Variants in UBA6 observed in about 807,000 individuals in gnomAD.
The protein encoded by UBA6 is ubiquitin like modifier activating enzyme 6.
In UBA6, 87 loss-of-function variants were observed where a neutral mutation model predicts 148.3. The observed-to-expected ratio is 0.59, with a 90% CI of 0.49 to 0.70. The LOEUF (loss-of-function observed/expected upper bound fraction) is 0.70, where lower values mean the gene tolerates loss of function less well. Ranked by LOEUF, UBA6 falls within the 30% of genes least tolerant of loss-of-function variation. The probability of loss-of-function intolerance (pLI) is 0.00; values close to 1 mark genes in which losing one functional copy is unlikely to be tolerated. For synonymous variants in UBA6, 376 were observed against 401.0 expected (o/e 0.94, Z 0.75); for missense variants, 1,186 against 1,241.2 (o/e 0.96, Z 0.67).
chr4:67,630,621 G>A, intron 25 of UBA6, 86 bp from the exon 26 acceptor site: 2 of 799,766 alleles, frequency 2.5e-6, no homozygotes, highest in Non-Finnish European at 3.7e-6. Flanking sequence ...GCCTTTAAAT[G>A]TAGTTTGAAG....
At chr4:67,694,694 G>A (rs888641686) in intron 2 of UBA6, among the ~76,000 whole-genome samples, 1 of 152,116 alleles carries the variant, frequency 6.6e-6, no homozygotes, top group Non-Finnish European at 1.5e-5. Context: ...ACTGTGCCTG[G>A]CCACATCTTT....
intron 1 of UBA6, 145 bp downstream of exon 1, chr4:67,700,904 G>C: frequency 1.1e-6 from 1 of 922,804 alleles, no homozygotes; most frequent in Non-Finnish European, 1.6e-6. Context: ...CACCCACTCC[G>C]CGCGCGCCCC....
chr4:67,691,584 A>T (rs1292045965), intron 2 of UBA6, among the ~76,000 whole-genome samples: 2 of 152,288 alleles, frequency 1.3e-5, no homozygotes, highest in African/African-American at 4.8e-5. Context: ...TTTTTTCATC[A>T]TGTTTAATGT....
Position 67,634,424 on chromosome 4 carries a change from T to G in UBA6, c.1932+5A>C, listed in dbSNP as rs1202086291. On this transcript the variant is annotated splice_donor_5th_base_variant and intron_variant, in intron 21 of 32. Coordinates refer to ENST00000322244, the MANE Select transcript of UBA6 (RefSeq NM_018227.6). The stretch of plus-strand genomic sequence containing the variant: ...AAGAAAATAAATTTAAAAAGGAACT[T>G]TTACCTTATCTCTTGCCCACTGTAT... 3.1e-5 allele frequency: 48 copies of G among 1,573,374 alleles called. No homozygotes were observed. The highest frequency in any genetic ancestry group is 4.1e-5 in the Non-Finnish European group (48 of 1,168,478).
rs758268339 is a variant in UBA6, at chr4:67,649,131, T to A, written c.1185A>T (p.Gly395=). The A allele has an allele frequency of 1.8e-5, 29 of 1,614,066 alleles. 2 individuals carry two copies. In the South Asian group the frequency reaches 3.2e-4, roughly 18 times the overall value. ...TCAATACTTCTTGGCTGGCAACACC[T>A]CCTACTGCTGCAGCAAGTGGAGATA... The part of the protein sequence containing the change: ...GFLSPLAAAV[G]GVASQEVLKA... The change falls in exon 14 of 33, where the codon GGA becomes GGT. Residue 395 remains glycine (G), a synonymous_variant. Transcript: ENST00000322244.
chr4:67,697,083 G>A (rs1321421890), intron 1 of UBA6, among the ~76,000 whole-genome samples: 1 of 152,050 alleles, frequency 6.6e-6, no homozygotes, highest in African/African-American at 2.4e-5. Flanking sequence ...TTGGCTTACT[G>A]CAACGTCCAC....
At chr4:67,688,431 T>C (rs897915248) in intron 2 of UBA6, among the ~76,000 whole-genome samples, 1 of 151,630 alleles carries the variant, frequency 6.6e-6, no homozygotes, top group East Asian at 1.9e-4. Flanking sequence ...AGACCAAAAA[T>C]AGAGAGAACT....
chr4:67,665,139 T>A, intron 10 of UBA6, 50 bp downstream of exon 10: 1 of 1,190,874 alleles, frequency 8.4e-7, no homozygotes. Flanking sequence ...CTCTTCTGCC[T>A]TTCTTTTTCT....
At chr4:67,638,754 G>C (rs1729230529) in intron 19 of UBA6, among the ~76,000 whole-genome samples, 189 bp downstream of exon 19, 1 of 152,174 alleles carries the variant, frequency 6.6e-6, no homozygotes, top group East Asian at 1.9e-4. Flanking sequence ...AAACATTTAG[G>C]TTATGTTACA....
In UBA6 at chr4:67,624,143, T is replaced by C. The variant is rs777174405; in HGVS notation, c.2823A>G (p.Val941=). 8 of 1,591,172 alleles carry C rather than the reference T, an allele frequency of 5.0e-6. No homozygotes were observed. Among genetic ancestry groups the C allele is most frequent in the South Asian group, 1.2e-5 (1 of 86,494 alleles). ...ATACATACCTGATTTTAGTTTTCCT[T>C]ACTTCAGTTGTCTCTGTAAATACTA... The part of the protein sequence containing the change: ...PIVVFTETTE[V]RKTKIRNGIS... The change falls in exon 30 of 33, where the codon GTA becomes GTG. Residue 941 remains valine (V), a synonymous_variant. Coordinates refer to ENST00000322244, the MANE Select transcript of UBA6 (RefSeq NM_018227.6).
In UBA6 at chr4:67,701,084, C is replaced by A. The variant is rs1441856580; in HGVS notation, c.36G>T (p.Gly12=). ...CCCAGGAAGAACAGGACGCCTCTTCCCCCTGATGGGCGGCCACAGGCTCGG... is the reference window on the plus strand; with the variant it reads ...CCCAGGAAGAACAGGACGCCTCTTCACCCTGATGGGCGGCCACAGGCTCGG... ...EGSEPVAAHQ[G]EEASCSSWGT... The change falls in exon 1 of 33, where the codon GGG becomes GGT. Residue 12 remains glycine, a synonymous_variant. Coordinates refer to ENST00000322244, the MANE Select transcript of UBA6 (RefSeq NM_018227.6). 4.3e-6 allele frequency: 7 copies of A among 1,613,704 alleles called. No individual in the cohort carries two copies. Among genetic ancestry groups the A allele is most frequent in the South Asian group, 1.1e-5 (1 of 91,090 alleles).
chr4:67,647,324 T>C lies in UBA6; in HGVS notation c.1249-533A>G, dbSNP rs536052756. On this transcript the variant is annotated intron_variant, in intron 14 of 32. Coordinates refer to ENST00000322244, the MANE Select transcript of UBA6 (RefSeq NM_018227.6). ...ATGCCTGGCTAATTTTTTTGTATTT[T>C]TAGTAGACATGGGGTTTCACCATGT... is the stretch of plus-strand genomic sequence containing the variant. Among the ~76,000 whole-genome samples, 8 of 152,212 alleles carry C rather than the reference T, an allele frequency of 5.3e-5. No homozygotes were observed. The East Asian group carries it at 1.5e-3, about 29-fold the overall frequency.
In UBA6 at chr4:67,682,152, AG is replaced by A; in HGVS notation, c.195del (p.Leu66Ter). 1.9e-6 allele frequency: 3 copies of A among 1,613,952 alleles called. No individual in the cohort carries two copies. The highest frequency in any genetic ancestry group is 2.5e-6 in the Non-Finnish European group (3 of 1,179,854). On this transcript the variant is annotated frameshift_variant, in exon 3 of 33. Transcript: ENST00000322244. LOFTEE classifies it high-confidence loss of function. ...AMQKMAKSHV[F>X]LSGMGGLGLE... Reference sequence around the variant, plus strand: ...AAACCAAGACCACCCATCCCACTTAAGAAAACATGGGACTTGGCCATCTTCT... The same window carrying A: ...AAACCAAGACCACCCATCCCACTTAAAAAACATGGGACTTGGCCATCTTCT...
chr4:67,662,473 GTTT>G, intron 12 of UBA6: 4 of 341,272 alleles, frequency 1.2e-5, no homozygotes, highest in African/African-American at 2.2e-5. Flanking sequence ...AGTTTTTTTT[GTTT>G]TTTTTTTTTT....
At chr4:67,668,224 G>A (rs1163657718) in intron 9 of UBA6, among the ~76,000 whole-genome samples, 1 of 152,016 alleles carries the variant, frequency 6.6e-6, no homozygotes, top group Non-Finnish European at 1.5e-5. Flanking sequence ...TTGCATCTGC[G>A]CCTTTTCTGT....
intron 13 of UBA6, among the ~76,000 whole-genome samples, chr4:67,651,498 C>A (rs1414575190): frequency 6.6e-6 from 1 of 152,068 alleles, no homozygotes; most frequent in African/African-American, 2.4e-5. Flanking sequence ...TATGAAAATT[C>A]GGCTGCCATC....
intron 12 of UBA6, chr4:67,662,464 G>GTTTTTT (rs920297517): frequency 5.1e-6 from 2 of 391,508 alleles, no homozygotes; most frequent in South Asian, 7.2e-5. Context: ...AATAAGTTTA[G>GTTTTTT]TTTTTTTTGT....
intron 11 of UBA6, chr4:67,663,640 T>G (rs1729918479): frequency 4.1e-6 from 2 of 488,258 alleles, no homozygotes; most frequent in Admixed American, 3.7e-5. Context: ...TTATCAAAGT[T>G]GGCAAATCAT....
At chr4:67,619,636 T>C (rs781778125) in intron 32 of UBA6, among the ~76,000 whole-genome samples, 11 of 152,182 alleles carry the variant, frequency 7.2e-5, no homozygotes, top group Non-Finnish European at 1.5e-4. Context: ...AAAAAATTGA[T>C]TTTCCTCCTA....
Sources: gnomAD v4.1 joint callset for allele counts (sites outside exome capture counted in the v4.1 genomes callset) on GRCh38, gnomAD v4.1.1 for gene constraint, MANE v1.5 for transcripts, NCBI Gene and HGNC (gene_info 2026-07-23, HGNC 2026-07-21) for gene names.